CELF5: variants seen among roughly 807,000 people sequenced by gnomAD.
CELF5 encodes CUG-BP and ETR-3 like factor 5.
CELF5 carries 6 observed loss-of-function variants against 54.9 expected under a neutral mutation model. The observed-to-expected ratio is 0.11, with a 90% CI of 0.06 to 0.22. CELF5 has a LOEUF of 0.22. CELF5 is among the 10% of genes least tolerant of loss of function. CELF5 has a pLI of 1.00. For synonymous variants in CELF5, 271 were observed against 290.9 expected (o/e 0.93, Z 0.70); for missense variants, 401 against 678.6 (o/e 0.59, Z 4.54).
intron 2 of CELF5, among the ~76,000 whole-genome samples, chr19:3,262,759 A>G (rs2079822684): frequency 1.3e-5 from 2 of 150,670 alleles, no homozygotes; most frequent in South Asian, 4.2e-4. Flanking sequence ...GGCCAACATG[A>G]TGAAATCCAT....
At chr19:3,293,810 G>A (rs1304996038) in intron 12 of CELF5, 6 of 226,970 alleles carry the variant, frequency 2.6e-5, no homozygotes, top group Non-Finnish European at 5.3e-5. Flanking sequence ...TGCTCTGGGG[G>A]TGGGGGTGCG....
chr19:3,269,745 T>C (rs79961355), intron 2 of CELF5, among the ~76,000 whole-genome samples: 3,591 of 152,226 alleles, frequency 0.024, 65 homozygotes, highest in Non-Finnish European at 0.036. Flanking sequence ...TCTAGGTCCT[T>C]AGGACACCTC....
intron 2 of CELF5, among the ~76,000 whole-genome samples, chr19:3,267,673 G>A (rs1247264799): frequency 6.6e-6 from 1 of 152,162 alleles, no homozygotes; most frequent in Non-Finnish European, 1.5e-5. Flanking sequence ...GTACATCCCA[G>A]CACCCTCAGC....
At chr19:3,250,870 T>C (rs2079638228) in intron 1 of CELF5, 115 bp from the exon 2 acceptor site, 1 of 556,008 alleles carries the variant, frequency 1.8e-6, no homozygotes, top group Non-Finnish European at 3.3e-6. Context: ...TGTAGATCTA[T>C]GCATCTGTGG....
intron 4 of CELF5, among the ~76,000 whole-genome samples, chr19:3,276,899 C>T (rs2080065173): frequency 1.3e-5 from 2 of 152,050 alleles, no homozygotes; most frequent in Admixed American, 1.3e-4. Flanking sequence ...CGGGGCTTCT[C>T]CACGGACAGA....
At position 3,224,834 on chromosome 19, in the gene CELF5, C is replaced by T. The variant is rs772619271; in HGVS notation, c.95C>T (p.Pro32Leu). Residue 32 changes from proline (P) to leucine (L), a missense_variant, in exon 1 of 13, where the codon CCC becomes CTC. Coordinates refer to ENST00000292672, the MANE Select transcript of CELF5 (RefSeq NM_021938.4). ...GTGGGCAGCAGCGGGCCCGAGCCCC[C>T]CGGGGGGCAGCCCGACGGCATGAAG... ...SPVGSSGPEP[P>L]GGQPDGMKDL... 2 of 1,588,556 alleles carry T rather than the reference C, an allele frequency of 1.3e-6. No individual in the cohort carries two copies. Among genetic ancestry groups the T allele is most frequent in the South Asian group, 1.1e-5 (1 of 87,814 alleles).
chr19:3,268,842 T>C lies in CELF5; in HGVS notation c.343-5030T>C, dbSNP rs1159310256. The stretch of plus-strand genomic sequence containing the variant: ...AAGACTTCAGGGAGGAGGTGGCGTT[T>C]GAGGGGTAAGGATGGGGTGCAGCGG... On this transcript the variant is annotated intron_variant, in intron 2 of 12. Transcript: ENST00000292672. This position sits in a 1 kb window ranked among gnomAD's most constrained non-coding sequence, Gnocchi z 4.4. Among the ~76,000 whole-genome samples, 2 of 147,054 alleles carry C rather than the reference T, an allele frequency of 1.4e-5. No homozygotes were observed. Among genetic ancestry groups the C allele is most frequent in the East Asian group, 4.0e-4 (2 of 5,006 alleles).
chr19:3,241,800 C>G (rs994454087), intron 1 of CELF5, among the ~76,000 whole-genome samples: 12 of 152,090 alleles, frequency 7.9e-5, no homozygotes, highest in African/African-American at 2.9e-4. Context: ...TTGTTTGAGA[C>G]AGAGTCTCCC....
chr19:3,247,957 G>A (rs1334846254), intron 1 of CELF5, among the ~76,000 whole-genome samples: 3 of 151,540 alleles, frequency 2.0e-5, no homozygotes, highest in Admixed American at 2.0e-4. Flanking sequence ...TAAAGATGGA[G>A]TTTCGCCTTT....
At chr19:3,286,726 C>G (rs1310455132) in intron 10 of CELF5, 1 of 96,462 alleles carries the variant, frequency 1.0e-5, no homozygotes, top group Non-Finnish European at 2.2e-5. Flanking sequence ...AGCAAGACTC[C>G]ATCTCAAAAA....
At chr19:3,247,597 CAT>C (rs1410436072) in intron 1 of CELF5, among the ~76,000 whole-genome samples, 1 of 150,666 alleles carries the variant, frequency 6.6e-6, no homozygotes, top group Non-Finnish European at 1.5e-5. Flanking sequence ...CATAGTGTGA[CAT>C]AGTTGTCTTG....
intron 1 of CELF5, among the ~76,000 whole-genome samples, chr19:3,240,752 C>T (rs2079480103): frequency 6.6e-6 from 1 of 152,020 alleles, no homozygotes; most frequent in African/African-American, 2.4e-5. Flanking sequence ...TTCAGAGCGT[C>T]CCCAGCCCTG....
At position 3,275,675 on chromosome 19, in the gene CELF5, G is replaced by A. The variant is rs1377248540; in HGVS notation, c.395-181G>A. Reference sequence around the variant, plus strand: ...TGCAGGGCCCGTGGGAGGGTGGAGAGATCCGGGGCAGGGAAAGGGCGCGGC... The same window carrying A: ...TGCAGGGCCCGTGGGAGGGTGGAGAAATCCGGGGCAGGGAAAGGGCGCGGC... On this transcript the variant is annotated intron_variant, in intron 3 of 12. Transcript: ENST00000292672. The surrounding 1 kb of genome is among the most constrained non-coding windows in gnomAD (Gnocchi z 6.7). 2.0e-5 allele frequency among the ~76,000 whole-genome samples: 3 copies of A among 151,370 alleles called. No individual in the cohort carries two copies. The highest frequency in any genetic ancestry group is 3.0e-5 in the Non-Finnish European group (2 of 67,778).
rs188507294 is a variant in CELF5 at position 3,293,286 on chromosome 19, G to T, written c.1331-33G>T. The T allele has an allele frequency of 2.8e-5, 45 of 1,612,498 alleles. No homozygotes were observed. In the East Asian group the frequency reaches 5.1e-4, roughly 18 times the overall value. On this transcript the variant is annotated intron_variant, in intron 11 of 12. Coordinates refer to ENST00000292672, the MANE Select transcript of CELF5 (RefSeq NM_021938.4). ...GGAACAAGCCGAGGACACCCGCAGC[G>T]CCAACCACGGAGGTCCACCCTGGTT... is the stretch of plus-strand genomic sequence containing the variant.
chr19:3,240,299 G>A (rs1237463352), intron 1 of CELF5, among the ~76,000 whole-genome samples: 3 of 151,868 alleles, frequency 2.0e-5, no homozygotes, highest in African/African-American at 7.3e-5. Flanking sequence ...TTACAGGCAT[G>A]AGCCACTGCA....
At chr19:3,272,378 AAG>A (rs2079982141) in intron 2 of CELF5, among the ~76,000 whole-genome samples, 1 of 152,118 alleles carries the variant, frequency 6.6e-6, no homozygotes, top group African/African-American at 2.4e-5. Flanking sequence ...AAGAAAAAAA[AAG>A]AAAAAAAGAA....
intron 1 of CELF5, among the ~76,000 whole-genome samples, chr19:3,229,226 G>A (rs4807425): frequency 0.2 from 30,374 of 151,738 alleles, 3,091 homozygotes; most frequent in East Asian, 0.26. Context: ...ATGTTAATCC[G>A]TCCACCTGTA....
At chr19:3,249,901 C>T (rs1004697572) in intron 1 of CELF5, among the ~76,000 whole-genome samples, 9 of 152,286 alleles carry the variant, frequency 5.9e-5, no homozygotes, top group Non-Finnish European at 8.8e-5. Context: ...CCATCCTCCC[C>T]GCTGGGCAGC....
At chr19:3,260,472 A>G (rs1599431636) in intron 2 of CELF5, among the ~76,000 whole-genome samples, 1 of 148,864 alleles carries the variant, frequency 6.7e-6, no homozygotes, top group African/African-American at 2.5e-5. Context: ...TTTTATTTTT[A>G]GACATAGGGT....
Sources: gnomAD v4.1 joint callset for allele counts (sites outside exome capture counted in the v4.1 genomes callset) on GRCh38, gnomAD v4.1.1 for gene constraint, Gnocchi (gnomAD v3.1) non-coding constraint, MANE v1.5 for transcripts, NCBI Gene and HGNC (gene_info 2026-07-23, HGNC 2026-07-21) for gene names.